Variants in PTPRK observed in about 807,000 individuals in gnomAD.
PTPRK encodes the protein protein tyrosine phosphatase receptor type K, also known as receptor-type tyrosine-protein phosphatase kappa.
Under a neutral mutation model 178.0 loss-of-function variants are expected in PTPRK, and 75 were observed. The observed-to-expected ratio is 0.42, with a 90% CI of 0.35 to 0.51. The LOEUF (loss-of-function observed/expected upper bound fraction) is 0.51. PTPRK is among the 20% of genes least tolerant of loss of function. The probability of loss-of-function intolerance (pLI) is 0.02; values close to 1 mark genes in which losing one functional copy is unlikely to be tolerated. For missense variants in PTPRK, 1,441 were observed against 1,797.8 expected (o/e 0.80, Z 3.59); for synonymous variants, 637 against 620.6 (o/e 1.03, Z -0.39).
At chr6:128,075,805 T>C (rs561995229) in intron 11 of PTPRK, among the ~76,000 whole-genome samples, 10 of 152,160 alleles carry the variant, frequency 6.6e-5, no homozygotes, top group African/African-American at 1.4e-4. Flanking sequence ...TGGAGTTTGT[T>C]TGATATTAGG....
chr6:128,438,514 T>C (rs909334576), intron 1 of PTPRK, among the ~76,000 whole-genome samples: 8 of 152,224 alleles, frequency 5.3e-5, no homozygotes, highest in South Asian at 2.1e-4. Flanking sequence ...CAGTCAGCAT[T>C]CATCTCTCTA....
At chr6:128,343,671 A>G (rs1290325034) in intron 2 of PTPRK, among the ~76,000 whole-genome samples, 1 of 152,216 alleles carries the variant, frequency 6.6e-6, no homozygotes, top group Non-Finnish European at 1.5e-5. Flanking sequence ...TTAAAGTTCT[A>G]TTAACAAACT....
chr6:128,335,762 G>A (rs1457367560), intron 2 of PTPRK, among the ~76,000 whole-genome samples: 1 of 151,808 alleles, frequency 6.6e-6, no homozygotes, highest in Non-Finnish European at 1.5e-5. Context: ...TATAGCTCAA[G>A]GTTTTGGTAT....
intron 13 of PTPRK, among the ~76,000 whole-genome samples, chr6:128,017,800 GTGTATATATATATATATATATA>G (rs1779766086): frequency 3.3e-5 from 1 of 30,060 alleles, no homozygotes; most frequent in African/African-American, 1.1e-4. Context: ...AAATATATAT[GTGTATATATATATATATATATA>G]TATATATATA....
chr6:128,464,634 T>TATAA (rs1187260110), intron 1 of PTPRK, among the ~76,000 whole-genome samples: 1 of 40,908 alleles, frequency 2.4e-5, no homozygotes, highest in Non-Finnish European at 3.9e-5. Flanking sequence ...TATATATATA[T>TATAA]ACACATATAT....
At chr6:128,214,456 T>G (rs965962025) in intron 6 of PTPRK, among the ~76,000 whole-genome samples, 2 of 152,144 alleles carry the variant, frequency 1.3e-5, no homozygotes, top group Non-Finnish European at 2.9e-5. Context: ...AAACAACTAA[T>G]TCTGAGTAAC....
chr6:128,437,046 A>G (rs1184558038), intron 1 of PTPRK, among the ~76,000 whole-genome samples: 1 of 151,964 alleles, frequency 6.6e-6, no homozygotes, highest in Non-Finnish European at 1.5e-5. Context: ...AACCAGAGTC[A>G]CTCCATCTTG....
At chr6:128,423,837 A>C (rs1843771534) in intron 1 of PTPRK, among the ~76,000 whole-genome samples, 1 of 152,018 alleles carries the variant, frequency 6.6e-6, no homozygotes, top group Admixed American at 6.6e-5. Flanking sequence ...CAGAAAAGAA[A>C]TAAATAAAAT....
At chr6:128,479,113 G>C (rs1007507038) in intron 1 of PTPRK, among the ~76,000 whole-genome samples, 1 of 152,014 alleles carries the variant, frequency 6.6e-6, no homozygotes, top group Non-Finnish European at 1.5e-5. Context: ...GTTGAAAAAA[G>C]GGTGCTTAAT....
At chr6:128,381,788 A>C (rs993098830) in intron 2 of PTPRK, among the ~76,000 whole-genome samples, 26 of 152,200 alleles carry the variant, frequency 1.7e-4, no homozygotes, top group Admixed American at 8.5e-4. Context: ...AATTCAGGTT[A>C]CTCAGGTTCC....
At chr6:128,109,034 C>T (rs911187777) in intron 7 of PTPRK, among the ~76,000 whole-genome samples, 1 of 152,074 alleles carries the variant, frequency 6.6e-6, no homozygotes, top group Non-Finnish European at 1.5e-5. Flanking sequence ...GGAACACAAA[C>T]ATTTAGCTCA....
chr6:128,464,652 T>TATATATATATACACAC (rs1849588414), intron 1 of PTPRK, among the ~76,000 whole-genome samples: 2 of 91,456 alleles, frequency 2.2e-5, no homozygotes, highest in African/African-American at 1.3e-4. Flanking sequence ...TATATATATA[T>TATATATATATACACAC]ATATATATAT....
chr6:128,021,394 T>C lies in PTPRK; in HGVS notation c.2195-12126A>G, dbSNP rs142150474. Among the ~76,000 whole-genome samples the C allele has an allele frequency of 6.3e-3, 965 of 152,270 alleles. 15 individuals are homozygous for C. The highest frequency in any genetic ancestry group is 0.022 in the African/African-American group (906 of 41,558). ...GCTCACGCCTGTAATCCCAGCACTC[T>C]GGGAGGCCGAGGCTGGTGGATCACG... On this transcript the variant is annotated intron_variant, in intron 13 of 29. Coordinates refer to ENST00000368226, the MANE Select transcript of PTPRK (RefSeq NM_002844.4).
At chr6:128,471,453 A>G (rs1850639720) in intron 1 of PTPRK, among the ~76,000 whole-genome samples, 1 of 151,898 alleles carries the variant, frequency 6.6e-6, no homozygotes, top group Non-Finnish European at 1.5e-5. Context: ...GAAAAAAATA[A>G]TAATGATAGA....
intron 6 of PTPRK, 124 bp downstream of exon 6, chr6:128,218,798 T>C: frequency 1.1e-6 from 1 of 890,688 alleles, no homozygotes; most frequent in Non-Finnish European, 1.7e-6. Flanking sequence ...TATGATGATA[T>C]ATTTTTTATA....
At chr6:128,476,881 C>A (rs1851440505) in intron 1 of PTPRK, among the ~76,000 whole-genome samples, 1 of 144,434 alleles carries the variant, frequency 6.9e-6, no homozygotes, top group Non-Finnish European at 1.5e-5. Context: ...TTCTAAACTG[C>A]TTTTCTAAAA....
intron 1 of PTPRK, among the ~76,000 whole-genome samples, chr6:128,462,545 G>A (rs17055886): frequency 0.034 from 5,183 of 151,972 alleles, 318 homozygotes; most frequent in African/African-American, 0.12. Flanking sequence ...GAGAAAGACA[G>A]GAATGGCTAG....
intron 1 of PTPRK, among the ~76,000 whole-genome samples, chr6:128,407,654 A>AG (rs1367168561): frequency 8.2e-6 from 1 of 122,602 alleles, no homozygotes; most frequent in Admixed American, 8.4e-5. Flanking sequence ...AAAAAAAAAA[A>AG]AGAAGAAGAA....
Position 128,397,555 on chromosome 6 carries a change from G to C in PTPRK, c.223+11C>G, listed in dbSNP as rs755537470. On this transcript the variant is annotated intron_variant, in intron 2 of 29. Transcript: ENST00000368226. ...ATTCCCCCAACACTGACTAAACAGA[G>C]TGACTCTCACCTTGGGGCATCTCGG... The C allele has an allele frequency of 9.9e-6, 16 of 1,613,572 alleles. No homozygotes were observed. Among genetic ancestry groups the C allele is most frequent in the African/African-American group, 1.3e-5 (1 of 74,832 alleles).
Sources: gnomAD v4.1 joint callset for allele counts (sites outside exome capture counted in the v4.1 genomes callset) on GRCh38, gnomAD v4.1.1 for gene constraint, MANE v1.5 for transcripts, NCBI Gene and HGNC (gene_info 2026-07-23, HGNC 2026-07-21) for gene names.